The following EXOC6B variants were observed in gnomAD, a reference collection of about 807,000 sequenced individuals.
The protein encoded by EXOC6B is exocyst complex component 6B.
EXOC6B carries 54 observed loss-of-function variants against 113.5 expected under a neutral mutation model. That is an observed-to-expected ratio of 0.48 (90% CI 0.38 to 0.60). The LOEUF is 0.60. Among genes scored for constraint, EXOC6B ranks in the 20% least tolerant of loss-of-function variants. The pLI, the probability that EXOC6B is intolerant of heterozygous loss-of-function variation, is 0.00. For missense variants in EXOC6B, 797 were observed against 977.5 expected (o/e 0.82, Z 2.46); for synonymous variants, 357 against 339.0 (o/e 1.05, Z -0.58).
intron 8 of EXOC6B, among the ~76,000 whole-genome samples, chr2:72,541,501 C>A (rs899536368): frequency 6.6e-6 from 1 of 152,046 alleles, no homozygotes; most frequent in African/African-American, 2.4e-5. Flanking sequence ...ATACAAAAGC[C>A]CTTCTCCTCC....
chr2:72,557,299 G>T (rs1384903773), intron 8 of EXOC6B, among the ~76,000 whole-genome samples: 1 of 89,712 alleles, frequency 1.1e-5, no homozygotes, highest in Non-Finnish European at 2.2e-5. Context: ...CCGGGGGGGG[G>T]GGGGGGCCTT....
chr2:72,222,484 T>C (rs1229073872), intron 20 of EXOC6B, among the ~76,000 whole-genome samples: 2 of 152,224 alleles, frequency 1.3e-5, no homozygotes, highest in African/African-American at 4.8e-5. Flanking sequence ...AAACCTTGTA[T>C]ATTTGAGTGT....
At chr2:72,486,686 A>G (rs567242111) in intron 16 of EXOC6B, among the ~76,000 whole-genome samples, 9 of 152,154 alleles carry the variant, frequency 5.9e-5, no homozygotes, top group Non-Finnish European at 1.3e-4. Context: ...ACCTGTTACC[A>G]GAGGTGAACT....
At chr2:72,201,579 G>GAGAACAT (rs564173794) in intron 20 of EXOC6B, among the ~76,000 whole-genome samples, 63 of 152,322 alleles carry the variant, frequency 4.1e-4, no homozygotes, top group Non-Finnish European at 7.5e-4. Flanking sequence ...CTCCTTGGAA[G>GAGAACAT]AGAACATGGA....
At chr2:72,381,045 G>T (rs1352404424) in intron 18 of EXOC6B, among the ~76,000 whole-genome samples, 3 of 152,078 alleles carry the variant, frequency 2.0e-5, no homozygotes, top group Non-Finnish European at 4.4e-5. Context: ...TTAAGCCCCG[G>T]TGTGACCTCC....
At chr2:72,784,820 C>T (rs1365716857) in intron 1 of EXOC6B, among the ~76,000 whole-genome samples, 2 of 152,066 alleles carry the variant, frequency 1.3e-5, no homozygotes, top group African/African-American at 2.4e-5. Context: ...AATCTCATGT[C>T]CTCATATTTC....
At chr2:72,507,298 T>C (rs1573283241) in intron 11 of EXOC6B, among the ~76,000 whole-genome samples, 1 of 152,068 alleles carries the variant, frequency 6.6e-6, no homozygotes, top group South Asian at 2.1e-4. Flanking sequence ...CAGTGAGCAT[T>C]TGTGGTACCA....
intron 1 of EXOC6B, among the ~76,000 whole-genome samples, chr2:72,813,427 C>T (rs11898115): frequency 1.3e-3 from 192 of 152,268 alleles, no homozygotes; most frequent in African/African-American, 4.2e-3. Context: ...ATCAAATCCA[C>T]ATTTATCATT....
At chr2:72,713,987 T>C (rs1024065157) in intron 6 of EXOC6B, among the ~76,000 whole-genome samples, 3 of 152,158 alleles carry the variant, frequency 2.0e-5, no homozygotes, top group Non-Finnish European at 4.4e-5. Context: ...GTGCCACTTA[T>C]AAGCTTGATC....
At chr2:72,402,374 G>A (rs1693396947) in intron 18 of EXOC6B, among the ~76,000 whole-genome samples, 1 of 152,110 alleles carries the variant, frequency 6.6e-6, no homozygotes, top group South Asian at 2.1e-4. Context: ...GAAATAAAAT[G>A]AGGAATTGTA....
chr2:72,729,626 T>C (rs1349769109), intron 5 of EXOC6B, among the ~76,000 whole-genome samples: 1 of 152,052 alleles, frequency 6.6e-6, no homozygotes, highest in African/African-American at 2.4e-5. Flanking sequence ...GGTTTCTCCA[T>C]GTTGGCCAGG....
intron 18 of EXOC6B, among the ~76,000 whole-genome samples, chr2:72,430,407 G>C (rs1020718728): frequency 6.6e-6 from 1 of 152,176 alleles, no homozygotes; most frequent in African/African-American, 2.4e-5. Flanking sequence ...AGGCCAAGGC[G>C]GGTGGATCAC....
chr2:72,721,390 G>GAAAAAAAAAAAAAAAAAAAAAAA (rs1679996399), intron 5 of EXOC6B, among the ~76,000 whole-genome samples: 2 of 52,034 alleles, frequency 3.8e-5, no homozygotes, highest in Admixed American at 2.3e-4. Flanking sequence ...AAAAAAAAAT[G>GAAAAAAAAAAAAAAAAAAAAAAA]AACAAAGAAA....
intron 16 of EXOC6B, 104 bp from the exon 17 acceptor site, chr2:72,480,854 A>G: frequency 8.5e-7 from 1 of 1,176,458 alleles, no homozygotes; most frequent in Non-Finnish European, 1.2e-6. Context: ...GCATAATGGA[A>G]AAGGCCATCC....
intron 20 of EXOC6B, among the ~76,000 whole-genome samples, chr2:72,186,010 CGATA>C (rs1421047009): frequency 1.3e-5 from 2 of 151,360 alleles, no homozygotes; most frequent in African/African-American, 2.4e-5. Context: ...TTTGTCCTTG[CGATA>C]GATAGTTTGC....
chr2:72,227,216 G>A (rs577239106), intron 20 of EXOC6B, among the ~76,000 whole-genome samples: 119 of 152,232 alleles, frequency 7.8e-4, no homozygotes, highest in South Asian at 2.5e-3. Context: ...ACTATATGCT[G>A]CCTATAAGAG....
intron 20 of EXOC6B, among the ~76,000 whole-genome samples, chr2:72,217,561 T>A (rs1033231020): frequency 1.3e-5 from 2 of 151,914 alleles, no homozygotes; most frequent in African/African-American, 4.8e-5. Context: ...CATTGGGGAG[T>A]TTCTGGTCTA....
chr2:72,823,185 A>C (rs1054666061), intron 1 of EXOC6B, among the ~76,000 whole-genome samples: 1 of 151,404 alleles, frequency 6.6e-6, no homozygotes, highest in African/African-American at 2.4e-5. Flanking sequence ...GAGATCAAAA[A>C]TGATGAGCCC....
intron 18 of EXOC6B, among the ~76,000 whole-genome samples, chr2:72,425,567 C>A (rs976393446): frequency 6.6e-6 from 1 of 152,100 alleles, no homozygotes; most frequent in African/African-American, 2.4e-5. Context: ...CCCTCCAACC[C>A]CTCTCCCCAA....
Sources: gnomAD v4.1 joint callset for allele counts (sites outside exome capture counted in the v4.1 genomes callset) on GRCh38, gnomAD v4.1.1 for gene constraint, MANE v1.5 for transcripts, NCBI Gene and HGNC (gene_info 2026-07-23, HGNC 2026-07-21) for gene names.